Variants in TIPIN observed in about 807,000 individuals in gnomAD.
The protein encoded by TIPIN is TIMELESS-interacting protein.
A neutral mutation model predicts 35.6 loss-of-function variants in TIPIN; 29 were observed. That is an observed-to-expected ratio of 0.82 (90% CI 0.61 to 1.11). The LOEUF is 1.11. TIPIN is among the 50% of genes most tolerant of loss of function. The pLI, the probability that TIPIN is intolerant of heterozygous loss-of-function variation, is 0.00. For missense variants in TIPIN, 296 were observed against 345.4 expected (o/e 0.86, Z 1.13); for synonymous variants, 102 against 121.5 (o/e 0.84, Z 1.06).
At position 66,356,195 on chromosome 15, in the gene TIPIN, C is replaced by T. The variant is rs549985803; in HGVS notation, c.-9+444G>A. ...CCCCTCATCGCAAAGGAAGTGCTAC[C>T]GTGCTGCCTCGATGTCCCCCTTGGG... On this transcript the variant is annotated intron_variant, in intron 1 of 7. Coordinates refer to ENST00000261881, the MANE Select transcript of TIPIN (RefSeq NM_017858.3). Among the ~76,000 whole-genome samples, 6 of 152,094 alleles carry T rather than the reference C, an allele frequency of 3.9e-5. No homozygotes were observed. The South Asian group carries it at 1.0e-3, about 26-fold the overall frequency.
intron 1 of TIPIN, among the ~76,000 whole-genome samples, chr15:66,385,267 C>T (rs958070635): frequency 6.6e-6 from 1 of 152,184 alleles, no homozygotes; most frequent in Non-Finnish European, 1.5e-5. Flanking sequence ...CCTGCTAGGT[C>T]ACCAACACCT....
intron 1 of TIPIN, among the ~76,000 whole-genome samples, chr15:66,368,144 C>T (rs1171253557): frequency 6.6e-6 from 1 of 151,948 alleles, no homozygotes; most frequent in Non-Finnish European, 1.5e-5. Context: ...AATCTTTGTA[C>T]ATCTTGGATT....
chr15:66,345,332 C>T (rs1293713543), intron 6 of TIPIN, among the ~76,000 whole-genome samples: 1 of 152,064 alleles, frequency 6.6e-6, no homozygotes, highest in African/African-American at 2.4e-5. Flanking sequence ...AATCCCGGCA[C>T]GTTGGGAGGC....
chr15:66,375,051 CTTTTT>C (rs2093291330), intron 1 of TIPIN, among the ~76,000 whole-genome samples: 1 of 152,032 alleles, frequency 6.6e-6, no homozygotes. Flanking sequence ...TTGTCTATCT[CTTTTT>C]GTGTTAATGC....
At chr15:66,349,459 G>A in intron 4 of TIPIN, 22 bp from the exon 5 acceptor site, 1 of 1,606,260 alleles carries the variant, frequency 6.2e-7, no homozygotes, top group Non-Finnish European at 8.5e-7. Context: ...AAATAAAAAT[G>A]CTAAACAGGA....
chr15:66,347,261 G>A (rs1233610945), intron 6 of TIPIN: 1 of 518,686 alleles, frequency 1.9e-6, no homozygotes, highest in Non-Finnish European at 3.9e-6. Flanking sequence ...CCTGTCGGCA[G>A]GAACCATCTG....
At chr15:66,351,766 A>C (rs541220486) in intron 3 of TIPIN, among the ~76,000 whole-genome samples, 166 bp from the exon 4 acceptor site, 1 of 151,872 alleles carries the variant, frequency 6.6e-6, no homozygotes, top group Non-Finnish European at 1.5e-5. Flanking sequence ...CAGCCTCCCA[A>C]GTAGCTGGGA....
chr15:66,348,120 C>T (rs560714808), intron 6 of TIPIN, among the ~76,000 whole-genome samples: 230 of 151,188 alleles, frequency 1.5e-3, no homozygotes, highest in African/African-American at 5.0e-3. Context: ...GTGATCCTCC[C>T]GCCTCAACCC....
At chr15:66,371,228 G>C (rs1442183825) in intron 1 of TIPIN, 16 of 978,556 alleles carry the variant, frequency 1.6e-5, no homozygotes, top group Non-Finnish European at 1.9e-5. Context: ...AAAAGTGTAA[G>C]TGTATCAAGC....
intron 6 of TIPIN, among the ~76,000 whole-genome samples, chr15:66,341,841 T>C (rs1387398380): frequency 6.6e-6 from 1 of 152,086 alleles, no homozygotes; most frequent in African/African-American, 2.4e-5. Context: ...TAAGAAATAT[T>C]TATAAATCAG....
chr15:66,385,177 C>T (rs781346560), intron 1 of TIPIN, among the ~76,000 whole-genome samples: 6 of 152,204 alleles, frequency 3.9e-5, no homozygotes, highest in Non-Finnish European at 7.3e-5. Flanking sequence ...CCTCTTGGGC[C>T]CTACGGCTAA....
chr15:66,351,703 T>C (rs930991529), intron 3 of TIPIN, 103 bp from the exon 4 acceptor site: 8 of 943,318 alleles, frequency 8.5e-6, no homozygotes, highest in East Asian at 2.7e-5. Context: ...GGTGGCGCGA[T>C]CTCGGGTCAC....
At chr15:66,372,680 CG>C (rs1386474093) in intron 1 of TIPIN, among the ~76,000 whole-genome samples, 2 of 151,894 alleles carry the variant, frequency 1.3e-5, no homozygotes, top group Admixed American at 6.6e-5. Flanking sequence ...CCAAGGCAGG[CG>C]GATCACGAGG....
At chr15:66,374,275 A>C (rs2093287908) in intron 1 of TIPIN, among the ~76,000 whole-genome samples, 1 of 147,294 alleles carries the variant, frequency 6.8e-6, no homozygotes, top group Non-Finnish European at 1.5e-5. Context: ...ATTCAGTAGC[A>C]TTAGGTACTT....
In TIPIN at chr15:66,351,552, C is replaced by T. The variant is rs765309272; in HGVS notation, c.261G>A (p.Lys87=). Residue 87 remains lysine, a synonymous_variant, in exon 4 of 8, where the codon AAG becomes AAA. Coordinates refer to ENST00000261881, the MANE Select transcript of TIPIN (RefSeq NM_017858.3). ...GLPALRHVFD[K]AKFKGKGHEA... ...CATGACCTTTACCTTTGAATTTTGC[C>T]TTATCAAATACATGCCTTAAGGCTG... 1 of 1,613,342 alleles carries T rather than the reference C, an allele frequency of 6.2e-7. No individual in the cohort carries two copies. Among genetic ancestry groups the T allele is most frequent in the Admixed American group, 1.7e-5 (1 of 59,898 alleles).
At chr15:66,356,520 G>A in intron 1 of TIPIN, 119 bp downstream of exon 1, 3 of 834,696 alleles carry the variant, frequency 3.6e-6, no homozygotes, top group Non-Finnish European at 4.3e-6. Context: ...CCCCCTTCCT[G>A]CGACAATTAG....
intron 1 of TIPIN, among the ~76,000 whole-genome samples, chr15:66,363,187 G>A (rs547161045): frequency 6.6e-6 from 1 of 152,252 alleles, no homozygotes; most frequent in East Asian, 1.9e-4. Flanking sequence ...AGACCAGCCT[G>A]GGCAACATAG....
chr15:66,343,282 A>T (rs1337097565), intron 6 of TIPIN, among the ~76,000 whole-genome samples: 1 of 152,360 alleles, frequency 6.6e-6, no homozygotes, highest in East Asian at 1.9e-4. Flanking sequence ...TTCTATCTAC[A>T]TCATCCATAT....
At chr15:66,352,488 G>T (rs2093174848) in intron 2 of TIPIN, among the ~76,000 whole-genome samples, 1 of 151,976 alleles carries the variant, frequency 6.6e-6, no homozygotes, top group Non-Finnish European at 1.5e-5. Context: ...TAGTAGAGTT[G>T]AGGTCTCGCC....
Sources: allele counts gnomAD v4.1 joint callset (sites outside exome capture counted in the v4.1 genomes callset), GRCh38; gene constraint gnomAD v4.1.1; transcripts MANE v1.5; gene names NCBI Gene and HGNC (gene_info 2026-07-23, HGNC 2026-07-21).